ZNF316: variants seen among roughly 807,000 people sequenced by gnomAD.
ZNF316 encodes zinc finger protein 316.
In ZNF316, 23 loss-of-function variants were observed where a neutral mutation model predicts 75.6. The ratio of observed to expected loss-of-function variants is 0.30; its 90% CI spans 0.22 to 0.43. ZNF316 has a LOEUF of 0.43. ZNF316 is among the 20% of genes least tolerant of loss of function. The pLI is 1.00. For synonymous variants in ZNF316, 827 were observed against 666.2 expected, an observed-to-expected ratio of 1.24 and a Z score of -3.72; for missense variants, 1,266 against 1,409.4, an observed-to-expected ratio of 0.90 and a Z score of 1.63.
At chr7:6,641,447 G>A (rs904224069) in intron 3 of ZNF316, among the ~76,000 whole-genome samples, 12 of 152,328 alleles carry the variant, frequency 7.9e-5, no homozygotes, top group African/African-American at 2.9e-4. Flanking sequence ...CGTGCCCTTG[G>A]GACCCCACAG....
At position 6,642,547 on chromosome 7, in the gene ZNF316, A is replaced by G. The variant is rs1296430966; in HGVS notation, c.138A>G (p.Glu46=). Residue 46 remains glutamate (E), a synonymous_variant, in exon 5 of 9, where the codon GAA becomes GAG. Transcript: ENST00000382252. The surrounding 1 kb of genome is among the most constrained non-coding windows in gnomAD (Gnocchi z 8.1). ...GGGAAGAGGTGCAGGAGGTGGAAGA[A>G]GAGGAGGAGGAGATAGTGGTGGAGG... ...EKGEEVQEVE[E]EEEEIVVEEE... 5.7e-6 allele frequency: 7 copies of G among 1,225,576 alleles called. No homozygotes were observed. Among genetic ancestry groups the G allele is most frequent in the African/African-American group, 1.6e-5 (1 of 64,314 alleles). The allele number at this position is 1,225,576 out of a possible 1,614,324, so 75.9% of individuals were successfully genotyped here.
chr7:6,642,746 C>A lies in ZNF316; in HGVS notation c.337C>A (p.Pro113Thr). 7 of 1,233,558 alleles carry A rather than the reference C, an allele frequency of 5.7e-6. No individual in the cohort carries two copies. The highest frequency in any genetic ancestry group is 7.1e-6 in the Non-Finnish European group (7 of 989,084). The allele number at this position is 1,233,558 out of a possible 1,614,324, so 76.4% of individuals were successfully genotyped here. A position where few individuals can be genotyped will look rare whatever the true frequency, so the allele number is the denominator to read the frequency against. Reference protein sequence around the residue: ...RLSRGGDAKSPVLQEKGLQAS... With the variant: ...RLSRGGDAKSTVLQEKGLQAS... ...TAGCCGTGGTGGTGATGCCAAGTCCCCAGTTCTTCAGGAAAAGGGTAAGAA... is the reference window on the plus strand; with the variant it reads ...TAGCCGTGGTGGTGATGCCAAGTCCACAGTTCTTCAGGAAAAGGGTAAGAA... The change falls in exon 5 of 9, where the codon CCA (proline) becomes ACA (threonine). Residue 113 changes from proline to threonine, a missense_variant. By Grantham distance (38) the Pro-to-Thr change is conservative (BLOSUM62 -1). Around this residue, in one of 3 missense-constraint regions of ZNF316, gnomAD observed 961 missense variants for 990.9 expected, o/e 0.97. Transcript: ENST00000382252. The surrounding 1 kb of genome is among the most constrained non-coding windows in gnomAD (Gnocchi z 8.1).
In ZNF316 at chr7:6,654,029, C is replaced by T. The variant is rs1779570249; in HGVS notation, c.2433C>T (p.Arg811=). Residue 811 remains arginine (R), a synonymous_variant, in exon 9 of 9, where the codon CGC becomes CGT. Transcript: ENST00000382252. ...ACGCGTGTGGAGAGTGCGGCCGGCGCTTCGGGCAGAGCGCGGCGCTGACGC... is the reference window on the plus strand; with the variant it reads ...ACGCGTGTGGAGAGTGCGGCCGGCGTTTCGGGCAGAGCGCGGCGCTGACGC... The part of the protein sequence containing the change: ...RPYACGECGR[R]FGQSAALTRH... The T allele has an allele frequency of 2.5e-6, 3 of 1,196,040 alleles. No individual in the cohort carries two copies. Among genetic ancestry groups the T allele is most frequent in the South Asian group, 4.1e-5 (1 of 24,468 alleles). 74.1% of individuals were successfully genotyped at this position (1,196,040 alleles called of 1,614,324 possible). A position where few individuals can be genotyped will look rare whatever the true frequency, so the allele number is the denominator to read the frequency against.
At chr7:6,645,415 G>A (rs913320180) in intron 8 of ZNF316, among the ~76,000 whole-genome samples, 1 of 152,210 alleles carries the variant, frequency 6.6e-6, no homozygotes, top group Non-Finnish European at 1.5e-5. Context: ...TGGGTGCGGT[G>A]GCTCATGCCT....
At chr7:6,645,058 T>TGG (rs1779375612) in intron 8 of ZNF316, among the ~76,000 whole-genome samples, 1 of 152,232 alleles carries the variant, frequency 6.6e-6, no homozygotes, top group Admixed American at 6.5e-5. Flanking sequence ...ATGGGCAGGT[T>TGG]GGGGCATTCT....
At position 6,656,840 on chromosome 7, in the gene ZNF316, C is replaced by T. The variant is rs1297788302; in HGVS notation, c.*2229C>T. On this transcript the variant is annotated 3_prime_UTR_variant, in exon 9 of 9. Coordinates refer to ENST00000382252, the MANE Select transcript of ZNF316 (RefSeq NM_001278559.2). The stretch of plus-strand genomic sequence containing the variant: ...GGGCTCACCTACTCCAGTACCAGGG[C>T]AAGGTGTACAGCCCCAGGACCCAAA... Among the ~76,000 whole-genome samples the T allele has an allele frequency of 2.2e-5, 3 of 136,888 alleles. No homozygotes were observed. Among genetic ancestry groups the T allele is most frequent in the African/African-American group, 6.1e-5 (2 of 32,980 alleles). 89.8% of individuals were successfully genotyped at this position (136,888 alleles called of 152,430 possible).
At position 6,653,018 on chromosome 7, in the gene ZNF316, G is replaced by T; in HGVS notation, c.1422G>T (p.Arg474=). ...RSFSQSSALA[R]HQAVHTADRP... Reference sequence around the variant, plus strand: ...TCAGCCAGAGCTCGGCGCTGGCACGGCACCAGGCGGTGCACACGGCCGACC... The same window carrying T: ...TCAGCCAGAGCTCGGCGCTGGCACGTCACCAGGCGGTGCACACGGCCGACC... Residue 474 remains arginine (R), a synonymous_variant, in exon 9 of 9, where the codon CGG becomes CGT. Transcript: ENST00000382252. 1 of 1,226,750 alleles carries T rather than the reference G, an allele frequency of 8.2e-7. No homozygotes were observed. The highest frequency in any genetic ancestry group is 1.0e-6 in the Non-Finnish European group (1 of 984,436). The allele number at this position is 1,226,750 out of a possible 1,614,324, so 76.0% of individuals were successfully genotyped here.
intron 8 of ZNF316, 28 bp from the exon 9 acceptor site, chr7:6,652,275 T>G (rs1779520166): frequency 8.1e-7 from 1 of 1,232,036 alleles, no homozygotes; most frequent in Admixed American, 4.2e-5. Flanking sequence ...CTTACCTCTC[T>G]CTTCTGGCCT....
In ZNF316 at chr7:6,652,704, G is replaced by T. The variant is rs1779532295; in HGVS notation, c.1108G>T (p.Val370Phe). The stretch of plus-strand genomic sequence containing the variant: ...CAAGCACCAGCGCTACCACGCGGCC[G>T]TCAAGCCCTTCGGCTGCGAGGAGTG... Reference protein sequence around the residue: ...LAKHQRYHAAVKPFGCEECGK... With the variant: ...LAKHQRYHAAFKPFGCEECGK... Residue 370 changes from valine to phenylalanine, a missense_variant, in exon 9 of 9, where the codon GTC becomes TTC. Val to Phe is a conservative substitution (Grantham distance 50). Coordinates refer to ENST00000382252, the MANE Select transcript of ZNF316 (RefSeq NM_001278559.2). 4 of 1,238,062 alleles carry T rather than the reference G, an allele frequency of 3.2e-6. No homozygotes were observed. The highest frequency in any genetic ancestry group is 2.8e-4 in the Middle Eastern group (1 of 3,560). 76.7% of individuals were successfully genotyped at this position (1,238,062 alleles called of 1,614,324 possible).
At position 6,642,783 on chromosome 7, in the gene ZNF316, C is replaced by G; in HGVS notation, c.355+19C>G. ...GAAAAGGGTAAGAAAAGCAGCCAGC[C>G]TTGGGGAGGAGATGAAGGGGGCTGA... On this transcript the variant is annotated intron_variant, in intron 5 of 8. Transcript: ENST00000382252. This position sits in a 1 kb window ranked among gnomAD's most constrained non-coding sequence, Gnocchi z 8.1. The G allele has an allele frequency of 8.1e-7, 1 of 1,233,374 alleles. No homozygotes were observed. Among genetic ancestry groups the G allele is most frequent in the Non-Finnish European group, 1.0e-6 (1 of 988,934 alleles). The allele number at this position is 1,233,374 out of a possible 1,614,324, so 76.4% of individuals were successfully genotyped here.
chr7:6,644,300 G>T (rs1019223166), intron 7 of ZNF316, among the ~76,000 whole-genome samples, 180 bp from the exon 8 acceptor site: 1 of 152,162 alleles, frequency 6.6e-6, no homozygotes, highest in Non-Finnish European at 1.5e-5. Context: ...AGGAGGGCAG[G>T]GGAGGACAGG....
Position 6,639,420 on chromosome 7 carries a change from A to G in ZNF316, c.-167+279A>G, listed in dbSNP as rs544068131. On this transcript the variant is annotated intron_variant, in intron 3 of 8. Transcript: ENST00000382252. The surrounding 1 kb of genome is among the most constrained non-coding windows in gnomAD (Gnocchi z 4.2). ...ACAGTCTCATAAGTGTATTTTTAAG[A>G]TGTGGTGAGTGCTGTGAGGGAAGAA... Among the ~76,000 whole-genome samples the G allele has an allele frequency of 2.6e-5, 4 of 152,236 alleles. No individual in the cohort carries two copies. The highest frequency in any genetic ancestry group is 2.6e-4 in the Admixed American group (4 of 15,284).
Position 6,653,783 on chromosome 7 carries a change from G to A in ZNF316, c.2187G>A (p.Val729=). The A allele has an allele frequency of 6.4e-6, 7 of 1,085,654 alleles. No individual in the cohort carries two copies. The highest frequency in any genetic ancestry group is 7.8e-6 in the Non-Finnish European group (7 of 892,624). 67.3% of individuals were successfully genotyped at this position (1,085,654 alleles called of 1,614,324 possible). A position where few individuals can be genotyped will look rare whatever the true frequency, so the allele number is the denominator to read the frequency against. ...GCGCCGACTGCGGCAAGAGCTTCGT[G>A]TACGGCTCGCACCTGGCGCGCCACC... The part of the protein sequence containing the change: ...HRCADCGKSF[V]YGSHLARHRR... Residue 729 remains valine (V), a synonymous_variant, in exon 9 of 9, where the codon GTG becomes GTA. Coordinates refer to ENST00000382252, the MANE Select transcript of ZNF316 (RefSeq NM_001278559.2).
At position 6,658,145 on chromosome 7, in the gene ZNF316, T is replaced by A. The variant is rs1416334379; in HGVS notation, c.*3534T>A. 6.6e-6 allele frequency among the ~76,000 whole-genome samples: 1 copy of A among 152,226 alleles called. No homozygotes were observed. Among genetic ancestry groups the A allele is most frequent in the Non-Finnish European group, 1.5e-5 (1 of 68,042 alleles). On this transcript the variant is annotated 3_prime_UTR_variant, in exon 9 of 9. Transcript: ENST00000382252. ...CCTTCCTTTTCTGATTCATTCCTTTTATCCTGATCTTTTCACTTAATCTCG... is the reference window on the plus strand; with the variant it reads ...CCTTCCTTTTCTGATTCATTCCTTTAATCCTGATCTTTTCACTTAATCTCG...
chr7:6,657,180 G>C lies in ZNF316; in HGVS notation c.*2569G>C, dbSNP rs556892795. The stretch of plus-strand genomic sequence containing the variant: ...AGCGAGTTTTTTTGTATTTTTAGTA[G>C]AGATGGGATTTCAGCATATTGGCCA... On this transcript the variant is annotated 3_prime_UTR_variant, in exon 9 of 9. Coordinates refer to ENST00000382252, the MANE Select transcript of ZNF316 (RefSeq NM_001278559.2). 9.9e-5 allele frequency among the ~76,000 whole-genome samples: 15 copies of C among 152,140 alleles called. No individual in the cohort carries two copies. Among genetic ancestry groups the C allele is most frequent in the Non-Finnish European group, 1.8e-4 (12 of 68,004 alleles).
rs991249280 is a variant in ZNF316, at chr7:6,653,394, T to A, written c.1798T>A (p.Phe600Ile). 2 of 1,226,138 alleles carry A rather than the reference T, an allele frequency of 1.6e-6. No homozygotes were observed. Among genetic ancestry groups the A allele is most frequent in the Non-Finnish European group, 2.0e-6 (2 of 984,818 alleles). The allele number at this position is 1,226,138 out of a possible 1,614,324, so 76.0% of individuals were successfully genotyped here. A position where few individuals can be genotyped will look rare whatever the true frequency, so the allele number is the denominator to read the frequency against. Reference protein sequence around the residue: ...GPSSHPLGFHFPVHPKSWLHP... With the variant: ...GPSSHPLGFHIPVHPKSWLHP... The stretch of plus-strand genomic sequence containing the variant: ...CTCCTCCCACCCGCTGGGCTTCCAC[T>A]TCCCCGTGCACCCCAAGTCCTGGCT... The change falls in exon 9 of 9, where the codon TTC (phenylalanine) becomes ATC (isoleucine). Residue 600 changes from phenylalanine to isoleucine, a missense_variant. Physicochemically the swap from Phe to Ile is conservative, Grantham distance 21. Around this residue, in one of 3 missense-constraint regions of ZNF316, gnomAD observed 961 missense variants for 990.9 expected, o/e 0.97. Coordinates refer to ENST00000382252, the MANE Select transcript of ZNF316 (RefSeq NM_001278559.2).
At position 6,640,690 on chromosome 7, in the gene ZNF316, G is replaced by A. The variant is rs927427770; in HGVS notation, c.-166-1135G>A. On this transcript the variant is annotated intron_variant, in intron 3 of 8. Transcript: ENST00000382252. This position sits in a 1 kb window ranked among gnomAD's most constrained non-coding sequence, Gnocchi z 5.1. ...AAGCATGATTTCCAGTGCTGGAGGCGGGCCTGCTGGGAGGTGATTTCCAGT... is the reference window on the plus strand; with the variant it reads ...AAGCATGATTTCCAGTGCTGGAGGCAGGCCTGCTGGGAGGTGATTTCCAGT... Among the ~76,000 whole-genome samples, 7 of 152,184 alleles carry A rather than the reference G, an allele frequency of 4.6e-5. No homozygotes were observed. The highest frequency in any genetic ancestry group is 7.2e-5 in the African/African-American group (3 of 41,460).
rs1201855602 is a variant in ZNF316, at chr7:6,657,552, T to C, written c.*2941T>C. 6.6e-6 allele frequency among the ~76,000 whole-genome samples: 1 copy of C among 151,890 alleles called. No individual in the cohort carries two copies. The highest frequency in any genetic ancestry group is 1.5e-5 in the Non-Finnish European group (1 of 67,994). On this transcript the variant is annotated 3_prime_UTR_variant, in exon 9 of 9. Transcript: ENST00000382252. ...TCTATTCAGAAAAGTTAAATGAGGC[T>C]GGGTGCGATGGCTCATGCCTGTAAT...
In ZNF316 at chr7:6,637,644, C is replaced by T. The variant is rs1779238362; in HGVS notation, c.-431+197C>T. On this transcript the variant is annotated intron_variant, in intron 1 of 8. Coordinates refer to ENST00000382252, the MANE Select transcript of ZNF316 (RefSeq NM_001278559.2). The surrounding 1 kb of genome is among the most constrained non-coding windows in gnomAD (Gnocchi z 6.2). ...GCGGGTAGGGACTTCCGCGGCAGCG[C>T]CCCCGCCTCCCGGACCCCCGTCCGG... 6.6e-6 allele frequency among the ~76,000 whole-genome samples: 1 copy of T among 150,644 alleles called. No individual in the cohort carries two copies. Among genetic ancestry groups the T allele is most frequent in the African/African-American group, 2.4e-5 (1 of 41,200 alleles).
Sources: allele counts gnomAD v4.1 joint callset (sites outside exome capture counted in the v4.1 genomes callset), GRCh38; gene constraint gnomAD v4.1.1; regional missense constraint gnomAD v4.1.1; non-coding constraint Gnocchi (gnomAD v3.1); transcripts MANE v1.5; gene names NCBI Gene and HGNC (gene_info 2026-07-23, HGNC 2026-07-21).